The following BEND3 variants were observed in gnomAD, a reference collection of about 807,000 sequenced individuals.
The protein encoded by BEND3 is BEN domain containing 3.
In BEND3, 13 loss-of-function variants were observed where a neutral mutation model predicts 60.1. That is an observed-to-expected ratio of 0.22 (90% CI 0.14 to 0.34). The LOEUF is 0.34. BEND3 is among the 10% of genes least tolerant of loss of function. The pLI is 1.00. For missense variants in BEND3, 896 were observed against 1,138.1 expected (o/e 0.79, Z 3.06); for synonymous variants, 497 against 491.5 (o/e 1.01, Z -0.15).
rs1562298717 is a variant in BEND3, at chr6:107,070,687, C to T, written c.504G>A (p.Leu168=). Residue 168 remains leucine, a synonymous_variant, in exon 4 of 4, where the codon CTG becomes CTA. Transcript: ENST00000369042. This position sits in a 1 kb window ranked among gnomAD's most constrained non-coding sequence, Gnocchi z 6.9. ...KANASNSPSS[L]RLLNEPQKRD... ...GCTTCTGTGGCTCATTCAGGAGCCG[C>T]AGTGACGAGGGGCTGTTGCTGGCGT... 1 of 1,613,166 alleles carries T rather than the reference C, an allele frequency of 6.2e-7. No homozygotes were observed. The highest frequency in any genetic ancestry group is 1.7e-5 in the Admixed American group (1 of 60,020).
At chr6:107,074,285 C>T (rs910479704) in intron 3 of BEND3, among the ~76,000 whole-genome samples, 33 of 151,908 alleles carry the variant, frequency 2.2e-4, no homozygotes, top group African/African-American at 7.0e-4. Context: ...TGTGGTGGCG[C>T]GTGCTTGTAA....
In BEND3 at chr6:107,115,125, C is replaced by A. The variant is rs1246763162; in HGVS notation, c.-47G>T. On this transcript the variant is annotated 5_prime_UTR_variant, in exon 1 of 4. Coordinates refer to ENST00000369042, the MANE Select transcript of BEND3 (RefSeq NM_001367314.1). Reference sequence around the variant, plus strand: ...AGTTCTGTACTTTGCCGGGCGGGCCCGCGCCGAGTTTGGGCGCCACGTGGG... The same window carrying A: ...AGTTCTGTACTTTGCCGGGCGGGCCAGCGCCGAGTTTGGGCGCCACGTGGG... The A allele has an allele frequency of 2.0e-5, 3 of 149,876 alleles. No homozygotes were observed. The highest frequency in any genetic ancestry group is 4.5e-5 in the Non-Finnish European group (3 of 67,316). The allele number at this position is 149,876 out of a possible 1,614,324, so 9.3% of individuals were successfully genotyped here. A position where few individuals can be genotyped will look rare whatever the true frequency, so the allele number is the denominator to read the frequency against.
intron 1 of BEND3, 126 bp downstream of exon 1, chr6:107,114,964 C>G (rs1322263528): frequency 6.7e-6 from 1 of 148,454 alleles, no homozygotes; most frequent in Non-Finnish European, 1.5e-5. Flanking sequence ...AGCCCCCCTC[C>G]GCGTCCCCTC....
intron 3 of BEND3, among the ~76,000 whole-genome samples, chr6:107,091,289 G>A (rs1478719488): frequency 1.3e-5 from 2 of 151,202 alleles, no homozygotes; most frequent in African/African-American, 4.9e-5. Context: ...GTAAGCAGAA[G>A]AAAAGAAACA....
At chr6:107,081,789 A>T (rs6904482) in intron 3 of BEND3, among the ~76,000 whole-genome samples, 18,162 of 152,108 alleles carry the variant, frequency 0.12, 1,151 homozygotes, top group Middle Eastern at 0.25. Flanking sequence ...AAAAAAAAAA[A>T]AAATAAATAA....
chr6:107,089,107 C>G (rs1182826133), intron 3 of BEND3, among the ~76,000 whole-genome samples: 2 of 150,606 alleles, frequency 1.3e-5, no homozygotes, highest in African/African-American at 4.9e-5. Flanking sequence ...CATTGCACTC[C>G]AGCCTGGGCA....
chr6:107,082,723 C>T lies in BEND3; in HGVS notation c.241-11773G>A, dbSNP rs190744573. ...GGATTACAGGCGTGAGCAACCGCGC[C>T]CAGCCTAGTGGTTGCTTTAAACTAC... On this transcript the variant is annotated intron_variant, in intron 3 of 3. Transcript: ENST00000369042. Among the ~76,000 whole-genome samples, 4 of 152,308 alleles carry T rather than the reference C, an allele frequency of 2.6e-5. No individual in the cohort carries two copies. The East Asian group carries it at 7.7e-4, about 29-fold the overall frequency.
chr6:107,071,987 T>C (rs781952679), intron 3 of BEND3, among the ~76,000 whole-genome samples: 13 of 152,252 alleles, frequency 8.5e-5, no homozygotes, highest in Non-Finnish European at 1.3e-4. Context: ...TCAAATTGTA[T>C]ACCTTAAATA....
At chr6:107,077,236 G>A (rs556783258) in intron 3 of BEND3, among the ~76,000 whole-genome samples, 2 of 152,090 alleles carry the variant, frequency 1.3e-5, no homozygotes, top group Admixed American at 6.6e-5. Flanking sequence ...TTCCCAAAGT[G>A]TTGGAATTAC....
At chr6:107,088,412 A>G (rs1775402256) in intron 3 of BEND3, among the ~76,000 whole-genome samples, 1 of 152,202 alleles carries the variant, frequency 6.6e-6, no homozygotes, top group Admixed American at 6.5e-5. Context: ...CAGAAGAAAT[A>G]TTTGAAACCA....
chr6:107,084,518 C>G (rs1775299716), intron 3 of BEND3, among the ~76,000 whole-genome samples: 1 of 150,656 alleles, frequency 6.6e-6, no homozygotes, highest in Admixed American at 6.6e-5. Flanking sequence ...CCAATCAGCA[C>G]TCTGTGTATA....
chr6:107,068,944 G>A lies in BEND3; in HGVS notation c.2247C>T (p.Pro749=), dbSNP rs138780908. The A allele has an allele frequency of 4.2e-4, 684 of 1,613,932 alleles. 2 individuals are homozygous for A. The African/African-American group carries it at 8.0e-3, about 19-fold the overall frequency. ...GGAGGTTCTCGGCGGTGAAGAGTTC[G>A]GGAAACAGGCGGACGAGGAGCCGGG... The part of the protein sequence containing the change: ...FAARLLVRLF[P]ELFTAENLRL... The change falls in exon 4 of 4, where the codon CCC becomes CCT. Residue 749 remains proline (P), a synonymous_variant. Transcript: ENST00000369042. This position sits in a 1 kb window ranked among gnomAD's most constrained non-coding sequence, Gnocchi z 5.8.
chr6:107,085,456 T>C (rs1445741775), intron 3 of BEND3, among the ~76,000 whole-genome samples: 1 of 152,132 alleles, frequency 6.6e-6, no homozygotes, highest in East Asian at 1.9e-4. Flanking sequence ...GAGCATCCTC[T>C]TTTCTTTTGT....
At chr6:107,113,346 G>A (rs557990953) in intron 1 of BEND3, among the ~76,000 whole-genome samples, 8 of 147,416 alleles carry the variant, frequency 5.4e-5, no homozygotes, top group African/African-American at 1.8e-4. Flanking sequence ...GCTGAGGCAG[G>A]AAAATCGCTT....
chr6:107,112,998 A>C (rs1554238714), intron 1 of BEND3, among the ~76,000 whole-genome samples: 1 of 151,930 alleles, frequency 6.6e-6, no homozygotes, highest in Non-Finnish European at 1.5e-5. Context: ...CTCTATTAAA[A>C]ATACAAAAAA....
At chr6:107,085,808 A>G (rs1185220628) in intron 3 of BEND3, among the ~76,000 whole-genome samples, 52 of 110,600 alleles carry the variant, frequency 4.7e-4, no homozygotes, top group African/African-American at 1.7e-3. Context: ...TTTTTTTGAG[A>G]CGGAGTCTTG....
chr6:107,108,129 CCA>C (rs1268516791), intron 1 of BEND3, among the ~76,000 whole-genome samples: 2 of 152,186 alleles, frequency 1.3e-5, no homozygotes, highest in Non-Finnish European at 2.9e-5. Context: ...GCAATTTTCC[CCA>C]GAGTTTTTCT....
rs1562300338 is a variant in BEND3 at position 107,073,199 on chromosome 6, A to ATG, written c.241-2251_241-2250dup. Among the ~76,000 whole-genome samples the ATG allele has an allele frequency of 1.3e-3, 117 of 88,816 alleles. 1 individual carries two copies. The highest frequency in any genetic ancestry group is 1.8e-3 in the East Asian group (2 of 1,128). The allele number at this position is 88,816 out of a possible 152,430, so 58.3% of individuals were successfully genotyped here. On this transcript the variant is annotated intron_variant, in intron 3 of 3. Transcript: ENST00000369042. The stretch of plus-strand genomic sequence containing the variant: ...TACTTCCTTCAGGGTTTGTATGTGT[A>ATG]TGTATATATATATATATATATATAT...
chr6:107,107,983 C>G (rs1775856774), intron 1 of BEND3, among the ~76,000 whole-genome samples: 1 of 152,178 alleles, frequency 6.6e-6, no homozygotes, highest in Non-Finnish European at 1.5e-5. Context: ...CTGGGAGCCT[C>G]AAGGGTCTCA....
Sources: gnomAD v4.1 joint callset for allele counts (sites outside exome capture counted in the v4.1 genomes callset) on GRCh38, gnomAD v4.1.1 for gene constraint, Gnocchi (gnomAD v3.1) non-coding constraint, MANE v1.5 for transcripts, NCBI Gene and HGNC (gene_info 2026-07-23, HGNC 2026-07-21) for gene names.